Variants in RPL31 observed in about 807,000 individuals in gnomAD.
The protein encoded by RPL31 is ribosomal protein L31.
For missense variants in RPL31, 95 were observed against 164.0 expected (o/e 0.58, Z 2.30); for synonymous variants, 51 against 55.0 (o/e 0.93, Z 0.32).
downstream of RPL31, among the ~76,000 whole-genome samples, chr2:101,008,459 C>T (rs1482586850): frequency 6.6e-6 from 1 of 152,152 alleles, no homozygotes; most frequent in Non-Finnish European, 1.5e-5. Flanking sequence ...AATTTCAGCA[C>T]AGACTTGGAA....
intron 1 of RPL31, 166 bp from the exon 2 acceptor site, chr2:101,002,536 G>GAGGGGCGC (rs1163597853): frequency 7.9e-6 from 5 of 632,604 alleles, no homozygotes; most frequent in African/African-American, 7.4e-5. Context: ...GGAGGCATCT[G>GAGGGGCGC]AGGGGCGCAG....
chr2:101,007,702 T>C (rs1471910451), downstream of RPL31: 14 of 1,035,650 alleles, frequency 1.4e-5, no homozygotes, highest in Non-Finnish European at 1.8e-5. Context: ...TCAGGTTGTT[T>C]AGCCAGATGC....
At chr2:101,017,944 TCTC>T (rs769056999) in intron 4 of RPL31, 1 of 1,550,246 alleles carries the variant, frequency 6.5e-7, no homozygotes, top group South Asian at 1.2e-5. Context: ...GGCATTTTCT[TCTC>T]TACTTGGTGA....
downstream of RPL31, among the ~76,000 whole-genome samples, chr2:101,008,898 A>G (rs915689202): frequency 1.3e-5 from 2 of 152,224 alleles, no homozygotes; most frequent in African/African-American, 4.8e-5. Flanking sequence ...AATGCTGGAA[A>G]CAGCTGAAAC....
At chr2:101,019,180 C>A in exon 5 of RPL31, 1 of 1,160,024 alleles carries the variant, frequency 8.6e-7, no homozygotes, top group Non-Finnish European at 1.2e-6. Context: ...GCCTGTTCTA[C>A]ACGGCCGGGG....
chr2:101,009,897 C>CT (rs1325450247), downstream of RPL31, among the ~76,000 whole-genome samples: 1 of 150,672 alleles, frequency 6.6e-6, no homozygotes, highest in Admixed American at 6.6e-5. Context: ...TCTCGGCTCA[C>CT]TGCAAGCTCC....
chr2:101,006,496 CT>C lies in RPL31; in HGVS notation c.*119del. On this transcript the variant is annotated 3_prime_UTR_variant, in exon 5 of 5. Coordinates refer to ENST00000264258, the MANE Select transcript of RPL31 (RefSeq NM_000993.5). The stretch of plus-strand genomic sequence containing the variant: ...CCTAATTATGGGATCATTTGAAGAG[CT>C]TTTCCCAAATTGATGGCCTGTGCTG... 1.9e-6 allele frequency: 2 copies of C among 1,064,816 alleles called. No individual in the cohort carries two copies. The highest frequency in any genetic ancestry group is 3.1e-4 in the Middle Eastern group (1 of 3,178). The allele number at this position is 1,064,816 out of a possible 1,614,324, so 66.0% of individuals were successfully genotyped here.
intron 4 of RPL31, among the ~76,000 whole-genome samples, chr2:101,015,173 G>A (rs930989819): frequency 1.3e-5 from 2 of 152,088 alleles, no homozygotes; most frequent in African/African-American, 4.8e-5. Context: ...TAGGCAGCTG[G>A]AACACAATGG....
At position 101,006,635 on chromosome 2, in the gene RPL31, T is replaced by C; in HGVS notation, c.*254T>C. The C allele has an allele frequency of 2.5e-6, 1 of 397,436 alleles. No individual in the cohort carries two copies. Among genetic ancestry groups the C allele is most frequent in the Non-Finnish European group, 4.4e-6 (1 of 224,986 alleles). 24.6% of individuals were successfully genotyped at this position (397,436 alleles called of 1,614,324 possible). Reference sequence around the variant, plus strand: ...GGCATATTGTTAATTATTCTACTTGTATGTTTTGCTAATTCTAAGATAAGC... The same window carrying C: ...GGCATATTGTTAATTATTCTACTTGCATGTTTTGCTAATTCTAAGATAAGC... On this transcript the variant is annotated 3_prime_UTR_variant, in exon 5 of 5. Coordinates refer to ENST00000264258, the MANE Select transcript of RPL31 (RefSeq NM_000993.5).
downstream of RPL31, among the ~76,000 whole-genome samples, chr2:101,007,422 G>A (rs1006403071): frequency 6.6e-6 from 1 of 152,194 alleles, no homozygotes; most frequent in Non-Finnish European, 1.5e-5. Flanking sequence ...CTTAGATCTT[G>A]AAAGTGAACT....
At chr2:101,002,873 C>G in intron 2 of RPL31, 65 bp downstream of exon 2, 1 of 1,152,770 alleles carries the variant, frequency 8.7e-7, no homozygotes, top group Non-Finnish European at 1.3e-6. Context: ...GAGAGATGTG[C>G]CGAATCACCT....
At chr2:101,003,568 T>G (rs897513800) in intron 2 of RPL31, among the ~76,000 whole-genome samples, 2 of 152,218 alleles carry the variant, frequency 1.3e-5, no homozygotes, top group African/African-American at 4.8e-5. Flanking sequence ...ACATAAGCTG[T>G]GTGAAGAACA....
chr2:101,003,589 A>C (rs1022328674), intron 2 of RPL31, among the ~76,000 whole-genome samples: 2 of 152,226 alleles, frequency 1.3e-5, no homozygotes, highest in Non-Finnish European at 2.9e-5. Flanking sequence ...AGGGATTGCC[A>C]GCTGCTGTTA....
downstream of RPL31, chr2:101,007,870 A>AAAG (rs150740812): frequency 0.01 from 16,435 of 1,613,864 alleles, 1,370 homozygotes; most frequent in African/African-American, 0.19. Flanking sequence ...GCTCATTTCA[A>AAAG]AAGTTTTGAG....
chr2:101,019,189 G>A, exon 5 of RPL31: 1 of 1,036,900 alleles, frequency 9.6e-7, no homozygotes, highest in Non-Finnish European at 1.4e-6. Context: ...ACACGGCCGG[G>A]GTTTCAACAA....
chr2:101,003,694 C>G (rs1045444788), intron 2 of RPL31, among the ~76,000 whole-genome samples: 1 of 152,230 alleles, frequency 6.6e-6, no homozygotes, highest in African/African-American at 2.4e-5. Context: ...ATTCATCATA[C>G]TCAAGAAGCG....
downstream of RPL31, among the ~76,000 whole-genome samples, chr2:101,009,984 G>A (rs974663174): frequency 2.6e-5 from 4 of 151,636 alleles, no homozygotes; most frequent in Non-Finnish European, 2.9e-5. Flanking sequence ...ACCACGTCCA[G>A]CTAATTTTTT....
At chr2:101,009,855 T>A (rs566285954), downstream of RPL31, among the ~76,000 whole-genome samples, 756 of 149,166 alleles carry the variant, frequency 5.1e-3, 8 homozygotes, top group Middle Eastern at 0.018. Context: ...GGAGTCTCGC[T>A]CTGTCGCCCA....
chr2:101,013,393 A>G (rs1181088417), intron 4 of RPL31, among the ~76,000 whole-genome samples: 1 of 152,242 alleles, frequency 6.6e-6, no homozygotes, highest in Non-Finnish European at 1.5e-5. Flanking sequence ...CTGTTTAAAC[A>G]TGACCTTATT....
Sources: allele counts gnomAD v4.1 joint callset (sites outside exome capture counted in the v4.1 genomes callset), GRCh38; gene constraint gnomAD v4.1.1; transcripts MANE v1.5; gene names NCBI Gene and HGNC (gene_info 2026-07-23, HGNC 2026-07-21).